Variants in BFSP2 observed in about 807,000 individuals in gnomAD.
BFSP2 encodes phakinin.
BFSP2 carries 38 observed loss-of-function variants against 44.9 expected under a neutral mutation model. That is an observed-to-expected ratio of 0.85 (90% CI 0.65 to 1.11). The LOEUF (loss-of-function observed/expected upper bound fraction) is 1.11, where lower values mean the gene tolerates loss of function less well. Among genes scored for constraint, BFSP2 ranks in the 50% least tolerant of loss-of-function variants. BFSP2 has a pLI of 0.00. For missense variants in BFSP2, 525 were observed against 533.0 expected (o/e 0.99, Z 0.15); for synonymous variants, 197 against 209.9 (o/e 0.94, Z 0.53).
intron 1 of BFSP2, among the ~76,000 whole-genome samples, chr3:133,414,519 G>T (rs1443828983): frequency 3.1e-4 from 4 of 12,738 alleles, no homozygotes; most frequent in African/African-American, 3.5e-4. Flanking sequence ...CCCTCTACCT[G>T]CCCCTGCCCT....
chr3:133,472,694 T>G, intron 6 of BFSP2, 129 bp downstream of exon 6: 1 of 1,064,960 alleles, frequency 9.4e-7, no homozygotes. Context: ...TAGGCACCCA[T>G]TCCCACAGCC....
rs549071113 is a variant in BFSP2 at position 133,440,273 on chromosome 3, C to T, written c.490-7044C>T. Among the ~76,000 whole-genome samples, 93 of 152,208 alleles carry T rather than the reference C, an allele frequency of 6.1e-4. 1 individual carries two copies. The Middle Eastern group carries it at 0.017, about 28-fold the overall frequency. On this transcript the variant is annotated intron_variant, in intron 1 of 6. Transcript: ENST00000302334. ...CTCCCACCAGGTCCCTCCCACAACA[C>T]GTGGGGATTATGGGAGCTACAATTC...
At chr3:133,473,144 C>T (rs2074182344) in intron 6 of BFSP2, among the ~76,000 whole-genome samples, 1 of 151,978 alleles carries the variant, frequency 6.6e-6, no homozygotes, top group Admixed American at 6.6e-5. Flanking sequence ...GGGGTGGGGT[C>T]TGAGAGTCTT....
chr3:133,427,860 T>C (rs573511861), intron 1 of BFSP2, among the ~76,000 whole-genome samples: 6 of 152,350 alleles, frequency 3.9e-5, no homozygotes, highest in African/African-American at 1.4e-4. Flanking sequence ...AACTGGAATT[T>C]ATTGAGCACA....
intron 1 of BFSP2, among the ~76,000 whole-genome samples, chr3:133,415,646 G>A (rs1477987721): frequency 2.0e-5 from 1 of 50,804 alleles, no homozygotes; most frequent in African/African-American, 8.7e-5. Context: ...CTACTTACCC[G>A]TCATCTCCCC....
intron 1 of BFSP2, among the ~76,000 whole-genome samples, chr3:133,445,878 T>C (rs1289675567): frequency 6.6e-6 from 1 of 152,032 alleles, no homozygotes; most frequent in Non-Finnish European, 1.5e-5. Context: ...TAAGCTTTAA[T>C]TTTGGAGGGT....
chr3:133,407,226 C>T (rs957316089), intron 1 of BFSP2, among the ~76,000 whole-genome samples: 1 of 152,096 alleles, frequency 6.6e-6, no homozygotes, highest in African/African-American at 2.4e-5. Context: ...AAACAAATAA[C>T]AAACAATGCT....
chr3:133,411,720 AC>A (rs1429816655), intron 1 of BFSP2, among the ~76,000 whole-genome samples: 1 of 26,698 alleles, frequency 3.7e-5, no homozygotes, highest in Non-Finnish European at 8.3e-5. Flanking sequence ...TGATATTTAG[AC>A]AACTAGACAG....
chr3:133,470,688 T>TA (rs766018599), intron 5 of BFSP2, among the ~76,000 whole-genome samples: 3 of 152,206 alleles, frequency 2.0e-5, no homozygotes, highest in Non-Finnish European at 4.4e-5. Flanking sequence ...AATCTACACA[T>TA]ACCAAGAACC....
chr3:133,446,708 G>A (rs949114097), intron 1 of BFSP2, among the ~76,000 whole-genome samples: 6 of 142,004 alleles, frequency 4.2e-5, no homozygotes, highest in Non-Finnish European at 3.1e-5. Flanking sequence ...TGAGAGGCTT[G>A]GGGATTCAAG....
intron 1 of BFSP2, among the ~76,000 whole-genome samples, chr3:133,416,261 TCTC>T (rs1360012144): frequency 1.2e-4 from 13 of 112,570 alleles, no homozygotes; most frequent in Admixed American, 6.7e-4. Flanking sequence ...CCCTGTCCTC[TCTC>T]CTCTACTCAC....
chr3:133,417,064 T>C (rs1278326650), intron 1 of BFSP2, among the ~76,000 whole-genome samples: 3 of 135,316 alleles, frequency 2.2e-5, no homozygotes, highest in Non-Finnish European at 3.2e-5. Flanking sequence ...AACTCATCCC[T>C]GCCCTCTCCC....
chr3:133,470,705 G>C (rs2074154437), intron 5 of BFSP2, among the ~76,000 whole-genome samples: 1 of 152,220 alleles, frequency 6.6e-6, no homozygotes, highest in Non-Finnish European at 1.5e-5. Flanking sequence ...AACCTATTCT[G>C]TGCCAGGCCC....
intron 6 of BFSP2, 145 bp from the exon 7 acceptor site, chr3:133,474,824 T>C (rs2074200125): frequency 9.3e-7 from 1 of 1,070,130 alleles, no homozygotes. Flanking sequence ...CAAATAACCA[T>C]GGAGTAATTA....
chr3:133,412,350 C>T (rs2073463181), intron 1 of BFSP2: 1 of 152,220 alleles, frequency 6.6e-6, no homozygotes, highest in South Asian at 2.1e-4. Flanking sequence ...TGTAAATCGC[C>T]TGGCACATAA....
At chr3:133,420,035 C>T (rs2073578498) in intron 1 of BFSP2, among the ~76,000 whole-genome samples, 1 of 152,238 alleles carries the variant, frequency 6.6e-6, no homozygotes, top group African/African-American at 2.4e-5. Context: ...CCACCTAGCC[C>T]AGTGGTAGGG....
intron 6 of BFSP2, among the ~76,000 whole-genome samples, chr3:133,473,927 C>T (rs1234915980): frequency 6.6e-6 from 1 of 152,208 alleles, no homozygotes; most frequent in African/African-American, 2.4e-5. Context: ...TCCCTTATAT[C>T]TCATTGGCCA....
intron 1 of BFSP2, among the ~76,000 whole-genome samples, chr3:133,421,842 C>A (rs1005418006): frequency 2.0e-5 from 3 of 152,152 alleles, no homozygotes; most frequent in African/African-American, 7.2e-5. Flanking sequence ...GGCGTGGTGG[C>A]TCACGCCCGT....
chr3:133,470,154 A>G (rs571651613), intron 5 of BFSP2, among the ~76,000 whole-genome samples: 6 of 152,358 alleles, frequency 3.9e-5, no homozygotes, highest in Admixed American at 2.0e-4. Context: ...ACCCTAGACC[A>G]GATACTGATC....
Sources: allele counts gnomAD v4.1 joint callset (sites outside exome capture counted in the v4.1 genomes callset), GRCh38; gene constraint gnomAD v4.1.1; transcripts MANE v1.5; gene names NCBI Gene and HGNC (gene_info 2026-07-23, HGNC 2026-07-21).